Variants in SDK2 observed in about 807,000 individuals in gnomAD.
The protein encoded by SDK2 is sidekick cell adhesion molecule 2.
A neutral mutation model predicts 253.9 loss-of-function variants in SDK2; 105 were observed. The ratio of observed to expected loss-of-function variants is 0.41; its 90% CI spans 0.35 to 0.49. The LOEUF (loss-of-function observed/expected upper bound fraction) is 0.49, where lower values mean the gene tolerates loss of function less well. Among genes scored for constraint, SDK2 ranks in the 20% least tolerant of loss-of-function variants. SDK2 has a pLI of 0.06. For missense variants in SDK2, 2,608 were observed against 3,003.0 expected, an observed-to-expected ratio of 0.87 and a Z score of 3.07; for synonymous variants, 1,249 against 1,234.9, an observed-to-expected ratio of 1.01 and a Z score of -0.24.
At chr17:73,427,053 C>T (rs1386170922) in intron 12 of SDK2, among the ~76,000 whole-genome samples, 1 of 151,926 alleles carries the variant, frequency 6.6e-6, no homozygotes, top group Non-Finnish European at 1.5e-5. Flanking sequence ...CCACTGCACT[C>T]CAGCCTGGGT....
chr17:73,390,029 G>A (rs1038723703), intron 29 of SDK2, among the ~76,000 whole-genome samples: 7 of 152,228 alleles, frequency 4.6e-5, no homozygotes, highest in Admixed American at 6.5e-5. Flanking sequence ...GATTACAGGC[G>A]TGAGCCACTA....
chr17:73,602,521 TTC>T (rs2143066316), intron 1 of SDK2, among the ~76,000 whole-genome samples: 1 of 146,762 alleles, frequency 6.8e-6, no homozygotes, highest in African/African-American at 2.7e-5. Flanking sequence ...AAAGTCTAAG[TTC>T]TTTTTTTTTT....
Position 73,393,465 on chromosome 17 carries a change from G to A in SDK2, c.3898+95C>T, listed in dbSNP as rs541537483. On this transcript the variant is annotated intron_variant, in intron 27 of 44. Transcript: ENST00000392650. ...GCATCTGAGGCCATGGCTCCCTGTG[G>A]GGCAGAGCCTGACCCCAGAAGGGCA... The A allele has an allele frequency of 1.2e-5, 14 of 1,189,704 alleles. No homozygotes were observed. The African/African-American group carries it at 1.7e-4, about 14-fold the overall frequency. The allele number at this position is 1,189,704 out of a possible 1,614,324, so 73.7% of individuals were successfully genotyped here. A position where few individuals can be genotyped will look rare whatever the true frequency, so the allele number is the denominator to read the frequency against.
At chr17:73,490,381 C>T (rs773582778) in intron 2 of SDK2, among the ~76,000 whole-genome samples, 3 of 152,194 alleles carry the variant, frequency 2.0e-5, no homozygotes, top group Non-Finnish European at 4.4e-5. Context: ...GGATGGTAGA[C>T]ACAGGTGGAG....
At position 73,639,356 on chromosome 17, in the gene SDK2, G is replaced by A. The variant is rs180684057; in HGVS notation, c.64+4669C>T. Among the ~76,000 whole-genome samples the A allele has an allele frequency of 6.9e-3, 1,046 of 152,242 alleles. 10 individuals are homozygous for A. Among genetic ancestry groups the A allele is most frequent in the African/African-American group, 0.025 (1,019 of 41,554 alleles). ...CAGTCCCCTCTCTCCCTTCCCCCGG[G>A]GATGCTGAGCATCCCTGCTCAACGC... On this transcript the variant is annotated intron_variant, in intron 1 of 44. Coordinates refer to ENST00000392650, the MANE Select transcript of SDK2 (RefSeq NM_001144952.2). The surrounding 1 kb of genome is among the most constrained non-coding windows in gnomAD (Gnocchi z 4.3).
intron 1 of SDK2, among the ~76,000 whole-genome samples, chr17:73,601,023 T>TTG (rs1491294385): frequency 7.3e-6 from 1 of 137,116 alleles, no homozygotes; most frequent in East Asian, 2.0e-4. Flanking sequence ...TAAAAAAAAA[T>TTG]TTTTTTTTTT....
At chr17:73,529,955 C>T (rs532197364) in intron 1 of SDK2, among the ~76,000 whole-genome samples, 6 of 152,276 alleles carry the variant, frequency 3.9e-5, no homozygotes, top group East Asian at 1.9e-4. Context: ...GGAGAGATGT[C>T]CTTAATGCAG....
intron 30 of SDK2, 45 bp downstream of exon 30, chr17:73,387,791 C>T (rs989939816): frequency 1.1e-5 from 16 of 1,483,348 alleles, no homozygotes; most frequent in African/African-American, 5.6e-5. Context: ...CTGGTCCCGG[C>T]GGGGAGAGGG....
Position 73,395,214 on chromosome 17 carries a change from A to G in SDK2, c.3533T>C (p.Phe1178Ser). Reference protein sequence around the residue: ...WTEYRVQVQAFNAIGSGPWSQ... With the variant: ...WTEYRVQVQASNAIGSGPWSQ... The stretch of plus-strand genomic sequence containing the variant: ...CCAGGGCCCGCTCCCGATGGCGTTG[A>G]AGGCCTGGACCTGGACGCGGTACTC... Residue 1178 changes from phenylalanine to serine, a missense_variant, in exon 25 of 45, where the codon TTC becomes TCC. This residue lies in a region of SDK2 where 1,505 missense variants were observed against 1,859.1 expected (regional missense o/e 0.81). Transcript: ENST00000392650. This position sits in a 1 kb window ranked among gnomAD's most constrained non-coding sequence, Gnocchi z 4.3. 1 of 1,612,520 alleles carries G rather than the reference A, an allele frequency of 6.2e-7. No homozygotes were observed. The highest frequency in any genetic ancestry group is 1.1e-5 in the South Asian group (1 of 90,812).
intron 1 of SDK2, among the ~76,000 whole-genome samples, chr17:73,550,048 C>T (rs2145835028): frequency 6.6e-6 from 1 of 152,282 alleles, no homozygotes; most frequent in African/African-American, 2.4e-5. Flanking sequence ...GTCCCGGGGG[C>T]ACTGAGCCCC....
chr17:73,457,764 A>T (rs778085374), intron 3 of SDK2, among the ~76,000 whole-genome samples: 21 of 151,990 alleles, frequency 1.4e-4, no homozygotes, highest in Non-Finnish European at 2.6e-4. Context: ...TGCCTAGCAG[A>T]TCCCTCCCTA....
At chr17:73,341,731 G>A (rs1320204088) in intron 44 of SDK2, among the ~76,000 whole-genome samples, 2 of 152,146 alleles carry the variant, frequency 1.3e-5, no homozygotes, top group Non-Finnish European at 2.9e-5. Context: ...TCAGGAACTC[G>A]GAGTCCTTCA....
intron 1 of SDK2, among the ~76,000 whole-genome samples, chr17:73,533,761 G>A (rs542643052): frequency 2.0e-5 from 3 of 146,702 alleles, no homozygotes; most frequent in South Asian, 2.1e-4. Context: ...CTCTGTCTTC[G>A]CCAGGTTCCC....
chr17:73,416,405 C>T (rs2063183073), intron 16 of SDK2, among the ~76,000 whole-genome samples: 2 of 151,884 alleles, frequency 1.3e-5, no homozygotes, highest in African/African-American at 4.8e-5. Flanking sequence ...CCATGTTGGC[C>T]AGGATGGTCT....
chr17:73,554,310 A>C (rs945922040), intron 1 of SDK2, among the ~76,000 whole-genome samples: 3 of 152,270 alleles, frequency 2.0e-5, no homozygotes, highest in Non-Finnish European at 4.4e-5. Context: ...CTGCCCCCAA[A>C]ATTCATCTGT....
Position 73,512,538 on chromosome 17 carries a change from A to AAC in SDK2, c.65-4943_65-4942dup, listed in dbSNP as rs1223713482. On this transcript the variant is annotated intron_variant, in intron 1 of 44. Transcript: ENST00000392650. ...TTCTCTTAAACTTTTCTTCACCTCAAACACACACACATACACACACACACA... is the reference window on the plus strand; with the variant it reads ...TTCTCTTAAACTTTTCTTCACCTCAAACACACACACACATACACACACACACA... Among the ~76,000 whole-genome samples, 654 of 146,172 alleles carry AAC rather than the reference A, an allele frequency of 4.5e-3. 5 individuals carry two copies. Among genetic ancestry groups the AAC allele is most frequent in the African/African-American group, 0.015 (617 of 40,124 alleles).
At chr17:73,610,087 C>A (rs1321152864) in intron 1 of SDK2, among the ~76,000 whole-genome samples, 1 of 152,214 alleles carries the variant, frequency 6.6e-6, no homozygotes, top group Non-Finnish European at 1.5e-5. Context: ...TCCTCCACGT[C>A]CCTGGGGAGA....
Position 73,393,541 on chromosome 17 carries a change from T to A in SDK2, c.3898+19A>T. On this transcript the variant is annotated intron_variant, in intron 27 of 44. Coordinates refer to ENST00000392650, the MANE Select transcript of SDK2 (RefSeq NM_001144952.2). The stretch of plus-strand genomic sequence containing the variant: ...GGCTCCTCCCAGCCTTCCCCAAGCT[T>A]GCTGGGATACGGACTCACCATCATC... 6.6e-7 allele frequency: 1 copy of A among 1,510,118 alleles called. No homozygotes were observed. The highest frequency in any genetic ancestry group is 1.4e-5 in the South Asian group (1 of 73,544). 93.5% of individuals were successfully genotyped at this position (1,510,118 alleles called of 1,614,324 possible).
Position 73,447,928 on chromosome 17 carries a change from G to T in SDK2, c.480-180C>A, listed in dbSNP as rs2063465513. 6.6e-6 allele frequency among the ~76,000 whole-genome samples: 1 copy of T among 151,696 alleles called. No individual in the cohort carries two copies. Among genetic ancestry groups the T allele is most frequent in the Non-Finnish European group, 1.5e-5 (1 of 67,932 alleles). ...GCCTACATCCCGCCACGTTTAGTTTGCAGAGAATGCTAAACACGGTGCTGA... is the reference window on the plus strand; with the variant it reads ...GCCTACATCCCGCCACGTTTAGTTTTCAGAGAATGCTAAACACGGTGCTGA... On this transcript the variant is annotated intron_variant, in intron 4 of 44. Coordinates refer to ENST00000392650, the MANE Select transcript of SDK2 (RefSeq NM_001144952.2). The surrounding 1 kb of genome is among the most constrained non-coding windows in gnomAD (Gnocchi z 4.0).
Sources: gnomAD v4.1 joint callset for allele counts (sites outside exome capture counted in the v4.1 genomes callset) on GRCh38, gnomAD v4.1.1 for gene constraint, gnomAD v4.1.1 regional missense constraint, Gnocchi (gnomAD v3.1) non-coding constraint, MANE v1.5 for transcripts, NCBI Gene and HGNC (gene_info 2026-07-23, HGNC 2026-07-21) for gene names.